Variants in UQCRH observed in about 807,000 individuals in gnomAD.
UQCRH encodes the protein cytochrome b-c1 complex subunit 6, mitochondrial.
UQCRH carries 14 observed loss-of-function variants against 16.3 expected under a neutral mutation model. The ratio of observed to expected loss-of-function variants is 0.86; its 90% CI spans 0.57 to 1.34. The LOEUF (loss-of-function observed/expected upper bound fraction) is 1.34, where lower values mean the gene tolerates loss of function less well. Ranked by LOEUF, UQCRH falls within the 40% of genes most tolerant of loss-of-function variation. The pLI, the probability that UQCRH is intolerant of heterozygous loss-of-function variation, is 0.00. For missense variants in UQCRH, 89 were observed against 111.9 expected, an observed-to-expected ratio of 0.80 and a Z score of 0.92; for synonymous variants, 41 against 41.9, an observed-to-expected ratio of 0.98 and a Z score of 0.08.
At chr1:46,311,350 C>T (rs957200734) in intron 3 of UQCRH, among the ~76,000 whole-genome samples, 15 of 139,746 alleles carry the variant, frequency 1.1e-4, no homozygotes, top group Non-Finnish European at 7.8e-5. Flanking sequence ...GAGGCGGAGG[C>T]GGGCGGATCA....
chr1:46,311,445 C>T (rs918684477), intron 3 of UQCRH, among the ~76,000 whole-genome samples: 1 of 147,872 alleles, frequency 6.8e-6, no homozygotes, highest in Non-Finnish European at 1.5e-5. Context: ...GGCGTGGTGG[C>T]GGGCGCCTGT....
intron 1 of UQCRH, among the ~76,000 whole-genome samples, chr1:46,305,850 G>A (rs1294111005): frequency 6.6e-6 from 1 of 151,252 alleles, no homozygotes; most frequent in African/African-American, 2.4e-5. Flanking sequence ...CTGTCTCCCA[G>A]GCTGGAGTGC....
At chr1:46,304,861 CTT>C (rs1486830675) in intron 1 of UQCRH, among the ~76,000 whole-genome samples, 51 of 152,172 alleles carry the variant, frequency 3.4e-4, no homozygotes, top group Admixed American at 6.5e-5. Flanking sequence ...AACCAGGACT[CTT>C]ATCAATTTTG....
chr1:46,305,705 C>T (rs528056009), intron 1 of UQCRH, among the ~76,000 whole-genome samples: 80 of 151,802 alleles, frequency 5.3e-4, no homozygotes, highest in African/African-American at 1.9e-3. Context: ...GAGCCAAGGT[C>T]GCGCCACTGC....
chr1:46,310,252 G>C lies in UQCRH; in HGVS notation c.179G>C (p.Arg60Pro), dbSNP rs919028614. Residue 60 changes from arginine to proline, a missense_variant, in exon 3 of 4, where the codon CGA (arginine) becomes CCA (proline). By Grantham distance (103) the Arg-to-Pro change is moderately radical. Transcript: ENST00000311672. ...CTCTGTGATGAGCGTGTATCCTCTC[G>C]ATCACATACAGAAGAGGATTGCACG... ...LELCDERVSS[R>P]SHTEEDCTEE... 2 of 1,614,152 alleles carry C rather than the reference G, an allele frequency of 1.2e-6. No homozygotes were observed. The highest frequency in any genetic ancestry group is 1.1e-5 in the South Asian group (1 of 91,076).
chr1:46,309,234 T>C, intron 2 of UQCRH, 107 bp downstream of exon 2: 6 of 1,276,534 alleles, frequency 4.7e-6, no homozygotes, highest in Non-Finnish European at 6.6e-6. Flanking sequence ...TTGTAGATAA[T>C]GGGGGTGGAA....
chr1:46,309,106 A>G lies in UQCRH; in HGVS notation c.60A>G (p.Glu20=). ...ATTTTGTTTTCCTTTTGTAGGAGGAAGAGGAAGAGGAGGAATTAGTGGTAA... is the reference window on the plus strand; with the variant it reads ...ATTTTGTTTTCCTTTTGTAGGAGGAGGAGGAAGAGGAGGAATTAGTGGTAA... ...LTESGDPEEE[E]EEEEELVDPL... The change falls in exon 2 of 4, where the codon GAA becomes GAG. Residue 20 remains glutamate, a synonymous_variant. Transcript: ENST00000311672. 6.2e-7 allele frequency: 1 copy of G among 1,613,422 alleles called. No homozygotes were observed. Among genetic ancestry groups the G allele is most frequent in the South Asian group, 1.1e-5 (1 of 90,846 alleles).
chr1:46,313,961 T>A (rs1661531395), intron 3 of UQCRH, among the ~76,000 whole-genome samples: 1 of 152,224 alleles, frequency 6.6e-6, no homozygotes, highest in Admixed American at 6.5e-5. Context: ...AAACAGATAT[T>A]TCCACATTCA....
At chr1:46,311,061 C>G (rs1300250725) in intron 3 of UQCRH, among the ~76,000 whole-genome samples, 1 of 148,574 alleles carries the variant, frequency 6.7e-6, no homozygotes, top group Non-Finnish European at 1.5e-5. Context: ...GGCGACAGAG[C>G]GAGACTCCAT....
At chr1:46,312,776 A>G (rs1219009425) in intron 3 of UQCRH, among the ~76,000 whole-genome samples, 1 of 152,122 alleles carries the variant, frequency 6.6e-6, no homozygotes, top group Admixed American at 6.5e-5. Flanking sequence ...AAGGTATTTT[A>G]CATAAATTAT....
intron 1 of UQCRH, 106 bp from the exon 2 acceptor site, chr1:46,308,995 C>G: frequency 7.8e-7 from 1 of 1,289,768 alleles, no homozygotes; most frequent in Non-Finnish European, 1.1e-6. Context: ...AACAAAATAA[C>G]ATCGTTAATA....
rs146177119 is a variant in UQCRH at position 46,309,101 on chromosome 1, G to A, written c.55G>A (p.Glu19Lys). The A allele has an allele frequency of 4.3e-6, 7 of 1,612,938 alleles. No homozygotes were observed. The highest frequency in any genetic ancestry group is 5.9e-6 in the Non-Finnish European group (7 of 1,179,648). Reference protein sequence around the residue: ...MLTESGDPEEEEEEEEELVDP... With the variant: ...MLTESGDPEEKEEEEEELVDP... ...CATTAATTTTGTTTTCCTTTTGTAG[G>A]AGGAAGAGGAAGAGGAGGAATTAGT... Residue 19 changes from glutamate to lysine, a missense_variant and splice_region_variant, in exon 2 of 4, where the codon GAG becomes AAG. By Grantham distance (56) the Glu-to-Lys change is moderately conservative. Coordinates refer to ENST00000311672, the MANE Select transcript of UQCRH (RefSeq NM_006004.4).
intron 3 of UQCRH, among the ~76,000 whole-genome samples, chr1:46,310,618 G>A (rs1661451900): frequency 6.6e-6 from 1 of 152,112 alleles, no homozygotes; most frequent in African/African-American, 2.4e-5. Context: ...ATGCCACCAT[G>A]AGAGGCTAAT....
chr1:46,316,114 C>G (rs557482234), intron 3 of UQCRH, among the ~76,000 whole-genome samples: 42 of 152,234 alleles, frequency 2.8e-4, no homozygotes, highest in African/African-American at 9.1e-4. Flanking sequence ...CACAGGTTAC[C>G]TTATTTATGT....
rs372777526 is a variant in UQCRH, at chr1:46,308,160, G to T, written c.55-941G>T. ...GAAAGTGAGATGGTGTCTCTGTCTT[G>T]AAATATACCTGGGATTCGTTTTAAC... On this transcript the variant is annotated intron_variant, in intron 1 of 3. Transcript: ENST00000311672. 4.9e-4 allele frequency among the ~76,000 whole-genome samples: 74 copies of T among 152,288 alleles called. 1 individual carries two copies. The South Asian group carries it at 0.014, about 29-fold the overall frequency.
At chr1:46,308,442 C>T (rs1484490416) in intron 1 of UQCRH, among the ~76,000 whole-genome samples, 4 of 152,136 alleles carry the variant, frequency 2.6e-5, no homozygotes, top group South Asian at 2.1e-4. Context: ...TGAATAATTT[C>T]GTTGGGCTCT....
intron 3 of UQCRH, among the ~76,000 whole-genome samples, chr1:46,311,347 A>AGGCG (rs1661470555): frequency 8.9e-6 from 1 of 112,306 alleles, no homozygotes; most frequent in Non-Finnish European, 1.9e-5. Context: ...GCGGAGGCGG[A>AGGCG]GGCGGGCGGA....
chr1:46,305,348 A>G (rs1661351128), intron 1 of UQCRH, among the ~76,000 whole-genome samples: 1 of 150,586 alleles, frequency 6.6e-6, no homozygotes, highest in Non-Finnish European at 1.5e-5. Context: ...AGCCTGCCTC[A>G]GAAAGGTCAG....
At chr1:46,310,971 G>A (rs1240255917) in intron 3 of UQCRH, among the ~76,000 whole-genome samples, 1 of 151,756 alleles carries the variant, frequency 6.6e-6, no homozygotes, top group Admixed American at 6.6e-5. Context: ...GGAGGCTGAG[G>A]CAGGAGAATG....
Sources: gnomAD v4.1 joint callset for allele counts (sites outside exome capture counted in the v4.1 genomes callset) on GRCh38, gnomAD v4.1.1 for gene constraint, MANE v1.5 for transcripts, NCBI Gene and HGNC (gene_info 2026-07-23, HGNC 2026-07-21) for gene names.